The following TRDN variants were observed in gnomAD, a reference collection of about 807,000 sequenced individuals.
TRDN encodes triadin in skeletal muscle.
In TRDN, 161 loss-of-function variants were observed where a neutral mutation model predicts 149.7. That is an observed-to-expected ratio of 1.08 (90% confidence interval 0.95 to 1.23). The LOEUF is 1.23. Among genes scored for constraint, TRDN ranks in the 50% most tolerant of loss-of-function variants. The pLI, the probability that TRDN is intolerant of heterozygous loss-of-function variation, is 0.00. For synonymous variants in TRDN, 294 were observed against 250.5 expected, an observed-to-expected ratio of 1.17 and a Z score of -1.64; for missense variants, 896 against 823.5, an observed-to-expected ratio of 1.09 and a Z score of -1.08.
chr6:123,591,409 C>T (rs766001809), intron 1 of TRDN, among the ~76,000 whole-genome samples: 23 of 152,094 alleles, frequency 1.5e-4, no homozygotes, highest in Non-Finnish European at 2.4e-4. Context: ...CCACGCCCAG[C>T]TAATTTTTGT....
intron 38 of TRDN, among the ~76,000 whole-genome samples, chr6:123,238,800 T>C (rs1775882430): frequency 6.6e-6 from 1 of 152,124 alleles, no homozygotes; most frequent in Non-Finnish European, 1.5e-5. Context: ...GCTGGAATAA[T>C]TATATTAATA....
chr6:123,417,582 A>T (rs1773709159), intron 12 of TRDN, among the ~76,000 whole-genome samples: 1 of 152,186 alleles, frequency 6.6e-6, no homozygotes, highest in African/African-American at 2.4e-5. Flanking sequence ...AAGAGAAAAG[A>T]GGTTTCTTTT....
intron 10 of TRDN, among the ~76,000 whole-genome samples, chr6:123,452,514 A>G (rs74297130): frequency 7.1e-6 from 1 of 139,954 alleles, no homozygotes; most frequent in Admixed American, 7.1e-5. Flanking sequence ...CAAAAAAAAA[A>G]CGTAAGATAG....
At chr6:123,608,173 C>T (rs957720862) in intron 1 of TRDN, among the ~76,000 whole-genome samples, 1 of 152,080 alleles carries the variant, frequency 6.6e-6, no homozygotes, top group African/African-American at 2.4e-5. Context: ...ACAACATGGG[C>T]TCAATTCCTT....
At chr6:123,464,846 G>A in intron 10 of TRDN, 60 bp downstream of exon 10, 1 of 1,540,050 alleles carries the variant, frequency 6.5e-7, no homozygotes, top group Non-Finnish European at 8.8e-7. Flanking sequence ...TGTTGTTGCT[G>A]TTCCTCTACA....
intron 38 of TRDN, among the ~76,000 whole-genome samples, chr6:123,238,618 AAT>A (rs1319892121): frequency 6.6e-6 from 1 of 152,204 alleles, no homozygotes. Context: ...GATAAATGTA[AAT>A]AGTCTACGTC....
chr6:123,412,099 C>G (rs1319762813), intron 12 of TRDN, among the ~76,000 whole-genome samples: 2 of 152,170 alleles, frequency 1.3e-5, no homozygotes, highest in African/African-American at 4.8e-5. Flanking sequence ...TCAGCAAACA[C>G]TATAACGCAG....
intron 12 of TRDN, among the ~76,000 whole-genome samples, chr6:123,417,013 T>C (rs932013313): frequency 6.6e-6 from 1 of 152,190 alleles, no homozygotes; most frequent in Non-Finnish European, 1.5e-5. Context: ...ACCATTATTC[T>C]TTAGTACCCA....
intron 12 of TRDN, among the ~76,000 whole-genome samples, chr6:123,428,649 T>C (rs1469858571): frequency 6.6e-6 from 1 of 152,200 alleles, no homozygotes; most frequent in Non-Finnish European, 1.5e-5. Flanking sequence ...CTATCCTGAT[T>C]AAAAATAAAT....
At chr6:123,446,446 G>T (rs1033915085) in intron 10 of TRDN, among the ~76,000 whole-genome samples, 1 of 151,832 alleles carries the variant, frequency 6.6e-6, no homozygotes, top group Non-Finnish European at 1.5e-5. Flanking sequence ...GCCAGGTGGC[G>T]TGGTGGTGGG....
chr6:123,632,712 G>A (rs373386955), intron 1 of TRDN, among the ~76,000 whole-genome samples: 20 of 152,108 alleles, frequency 1.3e-4, no homozygotes, highest in African/African-American at 4.3e-4. Flanking sequence ...GCTCATCCCC[G>A]CTTAAGCCAG....
chr6:123,360,465 C>T (rs922109023), intron 20 of TRDN, among the ~76,000 whole-genome samples: 11 of 152,104 alleles, frequency 7.2e-5, no homozygotes, highest in African/African-American at 2.4e-4. Flanking sequence ...AGCCCAACAA[C>T]AGAGAAGTTT....
chr6:123,533,103 A>G (rs180960117), intron 4 of TRDN, among the ~76,000 whole-genome samples: 137 of 152,266 alleles, frequency 9.0e-4, no homozygotes, highest in African/African-American at 2.9e-3. Flanking sequence ...GTTGCCTTTA[A>G]GAGATCATTC....
At chr6:123,407,300 A>G (rs565695999) in intron 12 of TRDN, among the ~76,000 whole-genome samples, 6 of 152,308 alleles carry the variant, frequency 3.9e-5, no homozygotes, top group Admixed American at 3.9e-4. Context: ...AACTCTGTGC[A>G]TACAGAAACA....
intron 10 of TRDN, among the ~76,000 whole-genome samples, chr6:123,443,685 T>C (rs1407399272): frequency 6.6e-6 from 1 of 151,540 alleles, no homozygotes; most frequent in Non-Finnish European, 1.5e-5. Context: ...CCATCTTGAA[T>C]TGATTTTTGT....
At chr6:123,512,852 T>G (rs933908452) in intron 6 of TRDN, among the ~76,000 whole-genome samples, 2 of 152,166 alleles carry the variant, frequency 1.3e-5, no homozygotes, top group African/African-American at 4.8e-5. Flanking sequence ...ATTGGGCAGT[T>G]AACAAAGTGT....
In TRDN at chr6:123,512,378, T is replaced by G. The variant is rs1371474088; in HGVS notation, c.551-16A>C. 7.0e-7 allele frequency: 1 copy of G among 1,421,274 alleles called. No individual in the cohort carries two copies. The highest frequency in any genetic ancestry group is 1.3e-5 in the South Asian group (1 of 79,058). 88.0% of individuals were successfully genotyped at this position (1,421,274 alleles called of 1,614,324 possible). ...TTGTGAGTTGCTTAAACAGAAAATT[T>G]TACATTAGTACACATTTTTAATAGA... On this transcript the variant is annotated splice_polypyrimidine_tract_variant and intron_variant, in intron 6 of 40. Coordinates refer to ENST00000334268, the MANE Select transcript of TRDN (RefSeq NM_006073.4).
chr6:123,593,762 C>CT (rs1377818757), intron 1 of TRDN, among the ~76,000 whole-genome samples: 1 of 152,144 alleles, frequency 6.6e-6, no homozygotes, highest in East Asian at 1.9e-4. Flanking sequence ...AGATCATACT[C>CT]TGAGTTTCTG....
intron 1 of TRDN, among the ~76,000 whole-genome samples, chr6:123,594,632 T>TCA (rs1562414599): frequency 3.9e-5 from 1 of 25,388 alleles, no homozygotes. Context: ...GAAATTCTGG[T>TCA]TATGTTTGTT....
Sources: allele counts gnomAD v4.1 joint callset (sites outside exome capture counted in the v4.1 genomes callset), GRCh38; gene constraint gnomAD v4.1.1; transcripts MANE v1.5; gene names NCBI Gene and HGNC (gene_info 2026-07-23, HGNC 2026-07-21).